PTPRN2: variants seen among roughly 807,000 people sequenced by gnomAD.
PTPRN2 encodes the protein receptor-type tyrosine-protein phosphatase N2.
In PTPRN2, 74 loss-of-function variants were observed where a neutral mutation model predicts 118.8. The observed-to-expected ratio is 0.62, with a 90% CI of 0.52 to 0.76. The LOEUF (loss-of-function observed/expected upper bound fraction) is 0.76. PTPRN2 is among the 30% of genes least tolerant of loss of function. The pLI is 0.00. For missense variants in PTPRN2, 1,481 were observed against 1,394.4 expected, an observed-to-expected ratio of 1.06 and a Z score of -0.99; for synonymous variants, 641 against 608.0, an observed-to-expected ratio of 1.05 and a Z score of -0.80.
chr7:158,200,991 C>T (rs1334275422), intron 4 of PTPRN2, among the ~76,000 whole-genome samples: 1 of 148,000 alleles, frequency 6.8e-6, no homozygotes, highest in African/African-American at 2.5e-5. Context: ...AAGAGAACAG[C>T]AAAAAGAAGA....
chr7:157,545,813 C>G (rs974898643), intron 22 of PTPRN2, among the ~76,000 whole-genome samples: 1 of 152,168 alleles, frequency 6.6e-6, no homozygotes, highest in Non-Finnish European at 1.5e-5. Flanking sequence ...ACGGCTCGCT[C>G]TTTCCTTGTC....
intron 12 of PTPRN2, among the ~76,000 whole-genome samples, chr7:157,716,888 C>T (rs1293160832): frequency 9.9e-6 from 1 of 100,504 alleles, no homozygotes; most frequent in Non-Finnish European, 2.0e-5. Flanking sequence ...GTAGACTCTG[C>T]GGGAACACTG....
intron 3 of PTPRN2, among the ~76,000 whole-genome samples, chr7:158,245,835 A>T (rs28552557): frequency 0.8 from 121,074 of 152,010 alleles, 48,569 homozygotes; most frequent in African/African-American, 0.87. Flanking sequence ...CTATCCGCCA[A>T]CCCCGGTGCC....
intron 12 of PTPRN2, among the ~76,000 whole-genome samples, chr7:157,846,642 T>C (rs1808824228): frequency 6.6e-6 from 1 of 152,188 alleles, no homozygotes; most frequent in Admixed American, 6.5e-5. Context: ...GTGTCTGATG[T>C]TTACAGAGAC....
At chr7:158,053,395 T>C (rs576695737) in intron 11 of PTPRN2, among the ~76,000 whole-genome samples, 4 of 152,084 alleles carry the variant, frequency 2.6e-5, no homozygotes, top group Non-Finnish European at 5.9e-5. Context: ...CACAGCGAAC[T>C]CCGATGTGGC....
chr7:158,166,164 T>C (rs972575827), intron 6 of PTPRN2, among the ~76,000 whole-genome samples: 2 of 152,020 alleles, frequency 1.3e-5, no homozygotes, highest in South Asian at 4.2e-4. Flanking sequence ...AGCAGTAGAA[T>C]TGTGAAATCA....
chr7:157,973,900 C>T (rs771964697), intron 11 of PTPRN2, among the ~76,000 whole-genome samples: 16 of 152,316 alleles, frequency 1.1e-4, no homozygotes, highest in Non-Finnish European at 1.9e-4. Context: ...TGGCCTCTCG[C>T]GCTGTCCTCC....
intron 13 of PTPRN2, among the ~76,000 whole-genome samples, chr7:157,680,953 G>C (rs1796888293): frequency 6.6e-6 from 1 of 152,096 alleles, no homozygotes; most frequent in African/African-American, 2.4e-5. Context: ...ACAGCAAAAA[G>C]GTCACTCCAA....
chr7:158,460,604 G>C (rs1233767652), intron 2 of PTPRN2, among the ~76,000 whole-genome samples: 1 of 149,074 alleles, frequency 6.7e-6, no homozygotes, highest in African/African-American at 2.5e-5. Context: ...CCTGCTACGG[G>C]GGCTGTGTGC....
At chr7:157,607,946 C>A (rs1802102113) in intron 15 of PTPRN2, among the ~76,000 whole-genome samples, 1 of 152,162 alleles carries the variant, frequency 6.6e-6, no homozygotes, top group Admixed American at 6.5e-5. Flanking sequence ...ATTCATTTCC[C>A]CCGAGGTCAC....
chr7:158,116,287 T>G lies in PTPRN2; in HGVS notation c.1557-5372A>C, dbSNP rs540630158. ...ACTAAAGTAAAGCATGAATTAGTTT[T>G]GGGAAGATGGTGAGTAGGAAACACC... On this transcript the variant is annotated intron_variant, in intron 9 of 22. Transcript: ENST00000389418. 8.5e-5 allele frequency among the ~76,000 whole-genome samples: 13 copies of G among 152,350 alleles called. No homozygotes were observed. In the South Asian group the frequency reaches 2.1e-3, roughly 24 times the overall value.
chr7:157,559,116 C>T (rs1585030427), intron 21 of PTPRN2, among the ~76,000 whole-genome samples: 1 of 152,236 alleles, frequency 6.6e-6, no homozygotes, highest in Non-Finnish European at 1.5e-5. Context: ...ACTGATTCCA[C>T]GGGACAGCGT....
At chr7:158,377,779 C>G (rs2151335153) in intron 2 of PTPRN2, among the ~76,000 whole-genome samples, 1 of 152,344 alleles carries the variant, frequency 6.6e-6, no homozygotes, top group South Asian at 2.1e-4. Context: ...AGGGACACTA[C>G]CTGGTAATAC....
chr7:158,402,972 C>G (rs574747654), intron 2 of PTPRN2, among the ~76,000 whole-genome samples: 2 of 152,344 alleles, frequency 1.3e-5, no homozygotes, highest in South Asian at 4.1e-4. Flanking sequence ...CTTCCCAGAG[C>G]TGGCACTGAA....
chr7:157,840,658 T>C (rs1808356155), intron 12 of PTPRN2, among the ~76,000 whole-genome samples: 1 of 152,218 alleles, frequency 6.6e-6, no homozygotes, highest in South Asian at 2.1e-4. Flanking sequence ...TGCTGGATTC[T>C]GGACAGTGGA....
chr7:157,971,582 C>A (rs968898295), intron 11 of PTPRN2, among the ~76,000 whole-genome samples: 2 of 152,098 alleles, frequency 1.3e-5, no homozygotes, highest in Non-Finnish European at 2.9e-5. Context: ...CAATTCCGTG[C>A]TAATTAACTG....
chr7:157,985,472 G>A (rs919012903), intron 11 of PTPRN2, among the ~76,000 whole-genome samples: 1 of 152,168 alleles, frequency 6.6e-6, no homozygotes, highest in African/African-American at 2.4e-5. Flanking sequence ...ACCAGAATTT[G>A]TTCTAGTTGT....
intron 15 of PTPRN2, among the ~76,000 whole-genome samples, chr7:157,604,515 C>A (rs1801886605): frequency 6.6e-6 from 1 of 152,204 alleles, no homozygotes; most frequent in Non-Finnish European, 1.5e-5. Flanking sequence ...ACCATGCTGG[C>A]CTTTAAATCA....
Position 157,974,855 on chromosome 7 carries a change from G to A in PTPRN2, c.1724-76118C>T, listed in dbSNP as rs1381262066. ...GAAGAGCTGTGCGGGCGGGCACTGA[G>A]AAGAGGTGCCCACGTCCATCCCCAG... On this transcript the variant is annotated intron_variant, in intron 11 of 22. Transcript: ENST00000389418. The surrounding 1 kb of genome is among the most constrained non-coding windows in gnomAD (Gnocchi z 4.0). 6.6e-6 allele frequency among the ~76,000 whole-genome samples: 1 copy of A among 152,108 alleles called. No individual in the cohort carries two copies. The highest frequency in any genetic ancestry group is 1.5e-5 in the Non-Finnish European group (1 of 67,998).
Sources: allele counts gnomAD v4.1 joint callset (sites outside exome capture counted in the v4.1 genomes callset), GRCh38; gene constraint gnomAD v4.1.1; non-coding constraint Gnocchi (gnomAD v3.1); transcripts MANE v1.5; gene names NCBI Gene and HGNC (gene_info 2026-07-23, HGNC 2026-07-21).